The following ARAP2 variants were observed in gnomAD, a reference collection of about 807,000 sequenced individuals.
The protein encoded by ARAP2 is arf-GAP with Rho-GAP domain, ANK repeat and PH domain-containing protein 2.
In ARAP2, 148 loss-of-function variants were observed where a neutral mutation model predicts 194.5. The ratio of observed to expected loss-of-function variants is 0.76; its 90% CI spans 0.67 to 0.87. The LOEUF (loss-of-function observed/expected upper bound fraction) is 0.87, where lower values mean the gene tolerates loss of function less well. Among genes scored for constraint, ARAP2 ranks in the 40% least tolerant of loss-of-function variants. ARAP2 has a pLI of 0.00. For missense variants in ARAP2, 2,128 were observed against 1,989.7 expected (o/e 1.07, Z -1.32); for synonymous variants, 695 against 683.5 (o/e 1.02, Z -0.26).
At chr4:36,240,329 C>T (rs1014911395) in intron 1 of ARAP2, among the ~76,000 whole-genome samples, 21 of 152,166 alleles carry the variant, frequency 1.4e-4, no homozygotes, top group African/African-American at 4.8e-4. Context: ...TAAATTATCA[C>T]TGTAAATCAT....
intron 27 of ARAP2, among the ~76,000 whole-genome samples, chr4:36,101,742 T>C (rs986120206): frequency 6.6e-6 from 1 of 152,040 alleles, no homozygotes; most frequent in African/African-American, 2.4e-5. Flanking sequence ...CTCACAATTA[T>C]GTGACAAGAT....
intron 5 of ARAP2, among the ~76,000 whole-genome samples, chr4:36,044,927 C>T (rs576975140): frequency 2.2e-4 from 34 of 151,494 alleles, no homozygotes; most frequent in African/African-American, 7.3e-4. Context: ...ATAGAAATGG[C>T]GAACAATAAT....
At chr4:36,129,004 A>T (rs1467388952) in intron 20 of ARAP2, among the ~76,000 whole-genome samples, 2 of 151,894 alleles carry the variant, frequency 1.3e-5, no homozygotes, top group Non-Finnish European at 2.9e-5. Flanking sequence ...TCTCCATAGT[A>T]TCTTTTCCAA....
At chr4:36,019,844 C>T (rs183000732) in intron 5 of ARAP2, among the ~76,000 whole-genome samples, 5 of 152,090 alleles carry the variant, frequency 3.3e-5, no homozygotes, top group Admixed American at 3.3e-4. Flanking sequence ...AGTCCCATGA[C>T]AAACTTAGTA....
At chr4:36,131,759 T>C (rs1725504779) in intron 20 of ARAP2, among the ~76,000 whole-genome samples, 1 of 151,754 alleles carries the variant, frequency 6.6e-6, no homozygotes, top group Admixed American at 6.6e-5. Context: ...CCCAATAAGG[T>C]TATGCTCCTG....
intron 32 of ARAP2, among the ~76,000 whole-genome samples, chr4:36,070,659 C>A (rs536634497): frequency 1.3e-5 from 2 of 152,146 alleles, no homozygotes; most frequent in Non-Finnish European, 2.9e-5. Flanking sequence ...CCAATGGTTA[C>A]AGAGGTCTTA....
intron 9 of ARAP2, among the ~76,000 whole-genome samples, chr4:36,011,144 A>G (rs1000390449): frequency 6.6e-6 from 1 of 152,062 alleles, no homozygotes; most frequent in African/African-American, 2.4e-5. Flanking sequence ...TACCAAACCT[A>G]CGATGGACTT....
At chr4:36,107,749 A>C in intron 26 of ARAP2, 56 bp from the exon 27 acceptor site, 1 of 1,502,544 alleles carries the variant, frequency 6.7e-7, no homozygotes, top group Non-Finnish European at 8.9e-7. Flanking sequence ...ACAATTTTTT[A>C]TTTTATAATC....
intron 15 of ARAP2, among the ~76,000 whole-genome samples, chr4:36,152,175 C>T (rs1004943789): frequency 6.6e-6 from 1 of 152,042 alleles, no homozygotes; most frequent in Non-Finnish European, 1.5e-5. Context: ...AATGAAAAGT[C>T]CAATCATAAC....
chr4:36,183,635 C>T (rs1388351793), intron 8 of ARAP2, among the ~76,000 whole-genome samples: 1 of 152,240 alleles, frequency 6.6e-6, no homozygotes, highest in Non-Finnish European at 1.5e-5. Context: ...TTATGATCCA[C>T]AGACGAATTC....
intron 22 of ARAP2, among the ~76,000 whole-genome samples, chr4:36,124,079 A>G (rs115070697): frequency 8.9e-4 from 136 of 152,004 alleles, no homozygotes; most frequent in African/African-American, 2.9e-3. Flanking sequence ...CAGTTTTACA[A>G]TAATGGAGCT....
chr4:36,199,199 A>T (rs987613351), intron 6 of ARAP2, among the ~76,000 whole-genome samples: 1 of 152,224 alleles, frequency 6.6e-6, no homozygotes, highest in Non-Finnish European at 1.5e-5. Context: ...TGCCATCACT[A>T]CCTTGTTATT....
rs1394103107 is a variant in ARAP2 at position 36,055,561 on chromosome 4, TTTTTA to T, written n.321+2404_321+2408del. 9.9e-5 allele frequency among the ~76,000 whole-genome samples: 15 copies of T among 152,254 alleles called. No homozygotes were observed. In the South Asian group the frequency reaches 2.1e-3, roughly 21 times the overall value. On this transcript the variant is annotated intron_variant and non_coding_transcript_variant, in intron 2 of 12. Coordinates refer to the ARAP2 transcript ENST00000503225. The stretch of plus-strand genomic sequence containing the variant: ...TTTCAGGTACTTATTTTTATTTTTA[TTTTTA>T]TTTATTTATTTTTTTGAGATGGAGT...
At chr4:36,113,919 GTCT>G (rs1225289649) in intron 26 of ARAP2, among the ~76,000 whole-genome samples, 2 of 151,912 alleles carry the variant, frequency 1.3e-5, no homozygotes, top group Admixed American at 6.6e-5. Flanking sequence ...ATAAACAAAG[GTCT>G]TCTTTTCTGA....
At chr4:36,140,573 A>C (rs1728072447) in intron 19 of ARAP2, among the ~76,000 whole-genome samples, 1 of 151,740 alleles carries the variant, frequency 6.6e-6, no homozygotes, top group Non-Finnish European at 1.5e-5. Flanking sequence ...AATTACATGC[A>C]CAATTTAAAA....
chr4:36,224,176 G>C (rs7674937), intron 2 of ARAP2, among the ~76,000 whole-genome samples: 188 of 147,694 alleles, frequency 1.3e-3, no homozygotes, highest in African/African-American at 4.2e-3. Flanking sequence ...AATAAAAAAA[G>C]AAACAACAAA....
At chr4:36,116,177 T>G (rs1419249460) in intron 25 of ARAP2, among the ~76,000 whole-genome samples, 1 of 151,956 alleles carries the variant, frequency 6.6e-6, no homozygotes, top group Non-Finnish European at 1.5e-5. Context: ...TTCAGCTTCA[T>G]GTACTAAGTA....
chr4:36,222,489 A>G (rs1749395995), intron 2 of ARAP2, among the ~76,000 whole-genome samples: 1 of 151,894 alleles, frequency 6.6e-6, no homozygotes, highest in Admixed American at 6.6e-5. Context: ...TTAATGTGGA[A>G]AAATCACAAA....
chr4:36,095,799 C>G (rs565997396), intron 27 of ARAP2, among the ~76,000 whole-genome samples: 1 of 151,986 alleles, frequency 6.6e-6, no homozygotes, highest in Admixed American at 6.6e-5. Flanking sequence ...ACTTGAGAAC[C>G]GAAGAACAAT....
Sources: allele counts gnomAD v4.1 joint callset (sites outside exome capture counted in the v4.1 genomes callset), GRCh38; gene constraint gnomAD v4.1.1; transcripts MANE v1.5; gene names NCBI Gene and HGNC (gene_info 2026-07-23, HGNC 2026-07-21).